The following TP73 variants were observed in gnomAD, a reference collection of about 807,000 sequenced individuals.
TP73 encodes the protein p53-like transcription factor.
TP73 carries 25 observed loss-of-function variants against 62.5 expected under a neutral mutation model. That is an observed-to-expected ratio of 0.40 (90% CI 0.29 to 0.56). The LOEUF (loss-of-function observed/expected upper bound fraction) is 0.56, where lower values mean the gene tolerates loss of function less well. Ranked by LOEUF, TP73 falls within the 20% of genes least tolerant of loss-of-function variation. TP73 has a pLI of 0.46. For synonymous variants in TP73, 423 were observed against 377.5 expected (o/e 1.12, Z -1.40); for missense variants, 754 against 913.3 (o/e 0.83, Z 2.25).
intron 4 of TP73, among the ~76,000 whole-genome samples, chr1:3,709,286 G>A (rs10159361): frequency 8.5e-5 from 13 of 152,232 alleles, no homozygotes; most frequent in Admixed American, 8.5e-4. Context: ...GTTGGGCTGA[G>A]GGGCAGAGGA....
intron 3 of TP73, among the ~76,000 whole-genome samples, chr1:3,689,065 G>A (rs1286772280): frequency 6.6e-6 from 1 of 152,106 alleles, no homozygotes; most frequent in Non-Finnish European, 1.5e-5. Context: ...GCCCTGCTCT[G>A]AGGGTCTGTC....
At chr1:3,693,678 C>A (rs557308475) in intron 3 of TP73, among the ~76,000 whole-genome samples, 56 of 151,034 alleles carry the variant, frequency 3.7e-4, no homozygotes, top group Non-Finnish European at 7.8e-4. Flanking sequence ...CCGCCTCAGC[C>A]CCTCCTCCCA....
At position 3,728,146 on chromosome 1, in the gene TP73, C is replaced by A. The variant is rs746096915; in HGVS notation, c.1003C>A (p.Pro335Thr). The change falls in exon 9 of 14, where the codon CCT (proline) becomes ACT (threonine). Residue 335 changes from proline (P) to threonine (T), a missense_variant. Physicochemically the swap from Pro to Thr is conservative, Grantham distance 38. Transcript: ENST00000378295. Reference protein sequence around the residue: ...ASKRAFKQSPPAVPALGAGVK... With the variant: ...ASKRAFKQSPTAVPALGAGVK... The stretch of plus-strand genomic sequence containing the variant: ...CCTTCCAGCCTTCAAGCAGAGCCCC[C>A]CTGCCGTCCCCGCCCTTGGTGCCGG... 3.9e-5 allele frequency: 63 copies of A among 1,611,232 alleles called. No individual in the cohort carries two copies. Among genetic ancestry groups the A allele is most frequent in the Non-Finnish European group, 4.7e-5 (56 of 1,179,918 alleles).
chr1:3,674,501 G>A (rs542616110), intron 1 of TP73, among the ~76,000 whole-genome samples: 43 of 152,336 alleles, frequency 2.8e-4, no homozygotes, highest in East Asian at 5.8e-4. Flanking sequence ...CAGGCCCTGC[G>A]GACAGGCCTT....
intron 1 of TP73, among the ~76,000 whole-genome samples, chr1:3,680,348 T>C (rs1645491579): frequency 6.6e-6 from 1 of 152,150 alleles, no homozygotes; most frequent in Admixed American, 6.6e-5. Context: ...CCAGGAATGG[T>C]GCTGCTGTGA....
intron 4 of TP73, among the ~76,000 whole-genome samples, chr1:3,709,382 A>G (rs1639945342): frequency 6.6e-6 from 1 of 152,156 alleles, no homozygotes; most frequent in Non-Finnish European, 1.5e-5. Context: ...CCATTTGGAA[A>G]TTACTCCTCC....
intron 1 of TP73, 24 bp from the exon 2 acceptor site, chr1:3,682,309 G>A: frequency 4.2e-6 from 6 of 1,442,640 alleles, no homozygotes; most frequent in Non-Finnish European, 5.6e-6. Context: ...AGGGTGCTCA[G>A]GTGTCATTCC....
At chr1:3,690,926 C>A in intron 3 of TP73, 9 of 1,580,998 alleles carry the variant, frequency 5.7e-6, no homozygotes, top group Non-Finnish European at 7.7e-6. Flanking sequence ...TCGGTGACCC[C>A]GCACGGCACC....
At chr1:3,709,272 G>C (rs1233602083) in intron 4 of TP73, among the ~76,000 whole-genome samples, 4 of 152,218 alleles carry the variant, frequency 2.6e-5, no homozygotes, top group African/African-American at 7.2e-5. Flanking sequence ...GGGCTCTGTG[G>C]GCTGTTGGGC....
chr1:3,676,699 G>A (rs1570410707), intron 1 of TP73, among the ~76,000 whole-genome samples: 1 of 152,116 alleles, frequency 6.6e-6, no homozygotes, highest in East Asian at 1.9e-4. Context: ...GCCCTCAGTA[G>A]CTTTGGGCCA....
rs183092918 is a variant in TP73, at chr1:3,660,731, A to G, written c.-34+8090A>G. On this transcript the variant is annotated intron_variant, in intron 1 of 13. Transcript: ENST00000378295. ...TACTGGTCAAAGTCTTCCCCATGAA[A>G]TCTTCTCGAAGACACAACATTTTAG... Among the ~76,000 whole-genome samples, 25 of 152,346 alleles carry G rather than the reference A, an allele frequency of 1.6e-4. No individual in the cohort carries two copies. The East Asian group carries it at 3.9e-3, about 23-fold the overall frequency.
intron 4 of TP73, among the ~76,000 whole-genome samples, chr1:3,710,518 T>A (rs962276047): frequency 4.6e-5 from 7 of 152,160 alleles, no homozygotes; most frequent in African/African-American, 1.4e-4. Context: ...CCGTGACTCC[T>A]GGGGCTCCCG....
rs1638949567 is a variant in TP73 at position 3,699,223 on chromosome 1, CA to C, written c.187-8325del. Among the ~76,000 whole-genome samples the C allele has an allele frequency of 6.6e-6, 1 of 152,130 alleles. No homozygotes were observed. Among genetic ancestry groups the C allele is most frequent in the Non-Finnish European group, 1.5e-5 (1 of 68,018 alleles). On this transcript the variant is annotated intron_variant, in intron 3 of 13. Coordinates refer to ENST00000378295, the MANE Select transcript of TP73 (RefSeq NM_005427.4). The surrounding 1 kb of genome is among the most constrained non-coding windows in gnomAD (Gnocchi z 4.1). Reference sequence around the variant, plus strand: ...CGGGAGATGCTGTGGGAAGTACCGGCAGGACGGAGGTCTTGCCCTGGTGGGA... The same window carrying C: ...CGGGAGATGCTGTGGGAAGTACCGGCGGACGGAGGTCTTGCCCTGGTGGGA...
rs536074910 is a variant in TP73 at position 3,699,934 on chromosome 1, C to T, written c.187-7615C>T. On this transcript the variant is annotated intron_variant, in intron 3 of 13. Transcript: ENST00000378295. This position sits in a 1 kb window ranked among gnomAD's most constrained non-coding sequence, Gnocchi z 4.1. The stretch of plus-strand genomic sequence containing the variant: ...GAGAAGGGGGACTGCATGGCCAGAC[C>T]GTGGGCTCGGGCCCCAGTCTCCTGA... Among the ~76,000 whole-genome samples, 7 of 152,160 alleles carry T rather than the reference C, an allele frequency of 4.6e-5. No individual in the cohort carries two copies. Among genetic ancestry groups the T allele is most frequent in the African/African-American group, 9.6e-5 (4 of 41,536 alleles).
intron 4 of TP73, among the ~76,000 whole-genome samples, chr1:3,715,620 G>A (rs950295187): frequency 2.0e-5 from 3 of 152,188 alleles, no homozygotes; most frequent in Non-Finnish European, 4.4e-5. Flanking sequence ...GGCCATGAGG[G>A]TGGACCCAGG....
At chr1:3,653,214 G>A (rs1178669929) in intron 1 of TP73, among the ~76,000 whole-genome samples, 1 of 152,232 alleles carries the variant, frequency 6.6e-6, no homozygotes, top group Non-Finnish European at 1.5e-5. Flanking sequence ...GTTTCCCGAG[G>A]GACAGCTCCC....
At chr1:3,674,545 C>T (rs1207736002) in intron 1 of TP73, among the ~76,000 whole-genome samples, 1 of 152,228 alleles carries the variant, frequency 6.6e-6, no homozygotes, top group African/African-American at 2.4e-5. Flanking sequence ...CGAAGCCGTC[C>T]TGGCAACCCT....
chr1:3,715,006 G>A (rs367885844), intron 4 of TP73, among the ~76,000 whole-genome samples: 5 of 152,328 alleles, frequency 3.3e-5, no homozygotes, highest in Non-Finnish European at 5.9e-5. Flanking sequence ...TCAGGACAGC[G>A]GCGACCGGGT....
intron 3 of TP73, among the ~76,000 whole-genome samples, chr1:3,683,457 A>G (rs180951956): frequency 6.6e-6 from 1 of 152,108 alleles, no homozygotes; most frequent in Admixed American, 6.5e-5. Context: ...CTTCAGGCAC[A>G]GCTAGATCCA....
Sources: allele counts gnomAD v4.1 joint callset (sites outside exome capture counted in the v4.1 genomes callset), GRCh38; gene constraint gnomAD v4.1.1; non-coding constraint Gnocchi (gnomAD v3.1); transcripts MANE v1.5; gene names NCBI Gene and HGNC (gene_info 2026-07-23, HGNC 2026-07-21).